KCNMB2: variants seen among roughly 807,000 people sequenced by gnomAD.
The protein encoded by KCNMB2 is potassium calcium-activated channel subfamily M regulatory beta subunit 2, also known as calcium-activated potassium channel subunit beta-2.
In KCNMB2, 9 loss-of-function variants were observed where a neutral mutation model predicts 24.5. The observed-to-expected ratio is 0.37, with a 90% confidence interval of 0.22 to 0.64. The LOEUF (loss-of-function observed/expected upper bound fraction) is 0.64. KCNMB2 is among the 30% of genes least tolerant of loss of function. The pLI, the probability that KCNMB2 is intolerant of heterozygous loss-of-function variation, is 0.63. For missense variants in KCNMB2, 226 were observed against 284.3 expected (o/e 0.79, Z 1.47); for synonymous variants, 109 against 104.4 (o/e 1.04, Z -0.27).
intron 1 of KCNMB2, among the ~76,000 whole-genome samples, chr3:178,695,482 A>C (rs1721842811): frequency 6.6e-6 from 1 of 152,102 alleles, no homozygotes; most frequent in Non-Finnish European, 1.5e-5. Flanking sequence ...AAATTTTCCA[A>C]ACTTTTATGC....
intron 1 of KCNMB2, among the ~76,000 whole-genome samples, chr3:178,733,936 G>A (rs959769018): frequency 3.9e-5 from 6 of 152,196 alleles, no homozygotes; most frequent in African/African-American, 1.4e-4. Flanking sequence ...TGGAGGAGGT[G>A]AAAAGTGATT....
At chr3:178,550,494 C>T (rs150057017) in intron 1 of KCNMB2, among the ~76,000 whole-genome samples, 25 of 148,942 alleles carry the variant, frequency 1.7e-4, no homozygotes, top group East Asian at 5.9e-4. Context: ...ATTTGCCCCA[C>T]GAAGGCATTA....
At chr3:178,593,633 G>A (rs760440464) in intron 1 of KCNMB2, among the ~76,000 whole-genome samples, 1 of 151,638 alleles carries the variant, frequency 6.6e-6, no homozygotes, top group Non-Finnish European at 1.5e-5. Flanking sequence ...GTTATTTAAT[G>A]TCCATAATAT....
At chr3:178,628,285 C>A (rs574891730) in intron 1 of KCNMB2, among the ~76,000 whole-genome samples, 9 of 152,108 alleles carry the variant, frequency 5.9e-5, no homozygotes, top group African/African-American at 2.2e-4. Context: ...CTTGGTTTTC[C>A]TCTGTGAATA....
chr3:178,694,629 C>T (rs1019824485), intron 1 of KCNMB2, among the ~76,000 whole-genome samples: 5 of 152,226 alleles, frequency 3.3e-5, no homozygotes, highest in Non-Finnish European at 5.9e-5. Context: ...GGCCTACAGG[C>T]CCCATGCAAT....
At chr3:178,564,387 A>T (rs1033186508) in intron 1 of KCNMB2, among the ~76,000 whole-genome samples, 2 of 152,198 alleles carry the variant, frequency 1.3e-5, no homozygotes, top group Admixed American at 1.3e-4. Flanking sequence ...TGAGACAAGA[A>T]ATTCAGTGCT....
At chr3:178,693,402 T>C (rs7433215) in intron 1 of KCNMB2, among the ~76,000 whole-genome samples, 47,915 of 152,070 alleles carry the variant, frequency 0.32, 8,040 homozygotes, top group African/African-American at 0.43. Flanking sequence ...ATATGACTCT[T>C]ATAATTTTGA....
In KCNMB2 at chr3:178,711,141, TTGAGAAAAAGTGA is replaced by T. The variant is rs1205593132; in HGVS notation, c.-67-96193_-67-96181del. On this transcript the variant is annotated intron_variant, in intron 1 of 4. Transcript: ENST00000452583. ...ATTATGATTAATATTCTTTTTACAG[TTGAGAAAAAGTGA>T]TGAGAAAATGGCACTTGCCAATAGT... is the stretch of plus-strand genomic sequence containing the variant. Among the ~76,000 whole-genome samples, 4 of 152,142 alleles carry T rather than the reference TTGAGAAAAAGTGA, an allele frequency of 2.6e-5. 1 individual carries two copies. Among genetic ancestry groups the T allele is most frequent in the Non-Finnish European group, 5.9e-5 (4 of 68,014 alleles).
intron 1 of KCNMB2, among the ~76,000 whole-genome samples, chr3:178,555,988 C>T (rs1168784895): frequency 2.0e-5 from 3 of 152,092 alleles, no homozygotes; most frequent in East Asian, 1.9e-4. Context: ...GAAATAGACA[C>T]CTCAAAATTT....
intron 4 of KCNMB2, among the ~76,000 whole-genome samples, chr3:178,828,918 A>G (rs988562079): frequency 7.0e-6 from 1 of 141,914 alleles, no homozygotes; most frequent in Non-Finnish European, 1.5e-5. Flanking sequence ...CTTTCAACCC[A>G]TGGTCACTGT....
chr3:178,697,568 T>G (rs1251094675), intron 1 of KCNMB2, among the ~76,000 whole-genome samples: 2 of 152,224 alleles, frequency 1.3e-5, no homozygotes, highest in Non-Finnish European at 2.9e-5. Context: ...AGCTTACCTC[T>G]CTATGCCTTT....
chr3:178,796,793 A>G (rs1339850223), intron 1 of KCNMB2, among the ~76,000 whole-genome samples: 3 of 152,140 alleles, frequency 2.0e-5, no homozygotes, highest in African/African-American at 7.2e-5. Context: ...CTACATCAAA[A>G]AAGTAGAAAA....
intron 1 of KCNMB2, among the ~76,000 whole-genome samples, chr3:178,550,375 A>G (rs1279911896): frequency 1.4e-5 from 2 of 146,382 alleles, no homozygotes; most frequent in African/African-American, 2.5e-5. Flanking sequence ...GGAGAATGGC[A>G]TGAACCCGGG....
intron 1 of KCNMB2, among the ~76,000 whole-genome samples, chr3:178,583,868 A>G (rs1717309471): frequency 2.0e-5 from 3 of 152,168 alleles, no homozygotes; most frequent in Admixed American, 1.3e-4. Context: ...ACTGCACTCC[A>G]TAGTGTTATA....
chr3:178,723,328 A>G (rs1169102667), intron 1 of KCNMB2, among the ~76,000 whole-genome samples: 1 of 152,136 alleles, frequency 6.6e-6, no homozygotes, highest in East Asian at 1.9e-4. Context: ...CATCTTTACT[A>G]TATTGAGTCT....
chr3:178,669,827 A>G (rs1156283773), intron 1 of KCNMB2, among the ~76,000 whole-genome samples: 1 of 152,068 alleles, frequency 6.6e-6, no homozygotes, highest in African/African-American at 2.4e-5. Flanking sequence ...TTAAAGGAAG[A>G]GCAGAATTTT....
chr3:178,615,915 T>G (rs1250518588), intron 1 of KCNMB2, among the ~76,000 whole-genome samples: 2 of 152,122 alleles, frequency 1.3e-5, no homozygotes, highest in African/African-American at 4.8e-5. Flanking sequence ...GTTCCTTTCC[T>G]TCAAGGCAGT....
chr3:178,784,480 G>T (rs1319297869), intron 1 of KCNMB2, among the ~76,000 whole-genome samples: 1 of 152,124 alleles, frequency 6.6e-6, no homozygotes, highest in Non-Finnish European at 1.5e-5. Flanking sequence ...AAATGTAGGA[G>T]ATGCAAGCTC....
chr3:178,777,455 G>C (rs1373299286), intron 1 of KCNMB2, among the ~76,000 whole-genome samples: 2 of 152,098 alleles, frequency 1.3e-5, no homozygotes, highest in Non-Finnish European at 2.9e-5. Context: ...AGTCAGAAAT[G>C]TTGGCAAGAC....
Sources: gnomAD v4.1 joint callset for allele counts (sites outside exome capture counted in the v4.1 genomes callset) on GRCh38, gnomAD v4.1.1 for gene constraint, MANE v1.5 for transcripts, NCBI Gene and HGNC (gene_info 2026-07-23, HGNC 2026-07-21) for gene names.